Variants in ANO4 observed in about 807,000 individuals in gnomAD.
The protein encoded by ANO4 is anoctamin-4.
Under a neutral mutation model 141.9 loss-of-function variants are expected in ANO4, and 69 were observed. The observed-to-expected ratio is 0.49, with a 90% CI of 0.40 to 0.59. The LOEUF (loss-of-function observed/expected upper bound fraction) is 0.59, where lower values mean the gene tolerates loss of function less well. ANO4 is among the 20% of genes least tolerant of loss of function. ANO4 has a pLI of 0.00. For synonymous variants in ANO4, 350 were observed against 394.3 expected (o/e 0.89, Z 1.33); for missense variants, 894 against 1,162.2 (o/e 0.77, Z 3.36).
intron 14 of ANO4, among the ~76,000 whole-genome samples, chr12:101,052,141 C>T (rs1293882143): frequency 6.6e-6 from 1 of 152,124 alleles, no homozygotes; most frequent in African/African-American, 2.4e-5. Context: ...AATAAGGCTC[C>T]ATCTGTAACC....
intron 5 of ANO4, among the ~76,000 whole-genome samples, chr12:100,944,256 G>A (rs1342013726): frequency 6.6e-6 from 1 of 152,102 alleles, no homozygotes; most frequent in African/African-American, 2.4e-5. Context: ...AGAATTTGAG[G>A]AGGATCATGC....
chr12:101,032,809 C>G (rs1003219248), intron 9 of ANO4, among the ~76,000 whole-genome samples: 2 of 151,384 alleles, frequency 1.3e-5, no homozygotes, highest in Admixed American at 6.6e-5. Flanking sequence ...ATTAAAAAGT[C>G]AGGAAACAAC....
intron 3 of ANO4, among the ~76,000 whole-genome samples, chr12:100,740,572 A>C (rs2031818746): frequency 6.6e-6 from 1 of 152,132 alleles, no homozygotes; most frequent in South Asian, 2.1e-4. Flanking sequence ...TCTTGGACTA[A>C]ACTCGTGTAT....
At chr12:101,081,025 G>A (rs1172146559) in intron 15 of ANO4, among the ~76,000 whole-genome samples, 1 of 138,058 alleles carries the variant, frequency 7.2e-6, no homozygotes, top group Non-Finnish European at 1.6e-5. Context: ...GTATGTGAGT[G>A]TGTGTATGTG....
At chr12:100,852,607 GCTTCTGATTA>G (rs2037936982) in intron 1 of ANO4, 1 of 152,132 alleles carries the variant, frequency 6.6e-6, no homozygotes, top group South Asian at 2.1e-4. Context: ...TCAGTAGTAG[GCTTCTGATTA>G]CTTCATGGCC....
At position 100,786,552 on chromosome 12, in the gene ANO4, GT is replaced by G. The variant is rs111357913; in HGVS notation, c.358+46454del. ...GAAATTTTGTGCTCAGGAAGACAGGGTTTTTTTCCCTCCAAATTTGAATGCT... is the reference window on the plus strand; with the variant it reads ...GAAATTTTGTGCTCAGGAAGACAGGGTTTTTTCCCTCCAAATTTGAATGCT... On this transcript the variant is annotated intron_variant, in intron 3 of 29. Coordinates refer to the ANO4 transcript ENST00000644049. Among the ~76,000 whole-genome samples, 41 of 152,186 alleles carry G rather than the reference GT, an allele frequency of 2.7e-4. 1 individual carries two copies. The highest frequency in any genetic ancestry group is 9.2e-4 in the African/African-American group (38 of 41,504).
chr12:100,773,814 A>G (rs544443888), intron 3 of ANO4, among the ~76,000 whole-genome samples: 1 of 152,356 alleles, frequency 6.6e-6, no homozygotes, highest in East Asian at 1.9e-4. Context: ...AAATTTTAAA[A>G]TAACCTCTAT....
chr12:100,764,467 G>A (rs533866080), intron 3 of ANO4, among the ~76,000 whole-genome samples: 105 of 152,234 alleles, frequency 6.9e-4, no homozygotes, highest in Non-Finnish European at 1.1e-3. Flanking sequence ...AGTAAATAAA[G>A]CAATTTGACA....
At chr12:100,790,989 T>A (rs2034027372), upstream of ANO4, among the ~76,000 whole-genome samples, 1 of 152,250 alleles carries the variant, frequency 6.6e-6, no homozygotes, top group African/African-American at 2.4e-5. Flanking sequence ...TGAGGGACCA[T>A]ACTTTAATGT....
At chr12:100,734,757 C>T (rs1262004690) in intron 2 of ANO4, among the ~76,000 whole-genome samples, 1 of 152,120 alleles carries the variant, frequency 6.6e-6, no homozygotes, top group Non-Finnish European at 1.5e-5. Flanking sequence ...GATGCCTATG[C>T]AAAGCATTAA....
intron 3 of ANO4, among the ~76,000 whole-genome samples, chr12:100,771,809 G>A (rs55685811): frequency 0.16 from 24,128 of 152,206 alleles, 2,108 homozygotes; most frequent in Non-Finnish European, 0.19. Flanking sequence ...CTAGGAATGC[G>A]GGTATACGTG....
chr12:100,898,172 G>T (rs915213134), intron 1 of ANO4, among the ~76,000 whole-genome samples: 2 of 152,198 alleles, frequency 1.3e-5, no homozygotes, highest in Non-Finnish European at 2.9e-5. Context: ...TCAATATCGA[G>T]TGTGGTGCCT....
At chr12:101,054,524 G>A (rs1041587201) in intron 14 of ANO4, among the ~76,000 whole-genome samples, 2 of 152,148 alleles carry the variant, frequency 1.3e-5, no homozygotes, top group Non-Finnish European at 2.9e-5. Context: ...TTTTGAGACG[G>A]AGTCTCGCTC....
At chr12:100,811,202 G>T (rs1593394123) in intron 1 of ANO4, among the ~76,000 whole-genome samples, 1 of 152,072 alleles carries the variant, frequency 6.6e-6, no homozygotes, top group Non-Finnish European at 1.5e-5. Flanking sequence ...TGGGGTCAAT[G>T]AATTAAATAT....
At chr12:100,972,043 A>G (rs1004463108) in intron 6 of ANO4, among the ~76,000 whole-genome samples, 1 of 152,234 alleles carries the variant, frequency 6.6e-6, no homozygotes, top group African/African-American at 2.4e-5. Context: ...TGGAAAAGTG[A>G]TCTGCATTTG....
chr12:101,029,841 C>A (rs2046899924), intron 9 of ANO4, among the ~76,000 whole-genome samples: 1 of 138,726 alleles, frequency 7.2e-6, no homozygotes, highest in Non-Finnish European at 1.5e-5. Context: ...GCCCGGGAGA[C>A]AGAGATTGCA....
At position 100,987,733 on chromosome 12, in the gene ANO4, C is replaced by T. The variant is rs539479408; in HGVS notation, c.734+63C>T. ...TGTGCAGCTGTGGTAGAGCCTCACC[C>T]TGCACGCCTTTGATTCCTGGGCATG... On this transcript the variant is annotated intron_variant, in intron 8 of 27. Coordinates refer to ENST00000392977, the MANE Select transcript of ANO4 (RefSeq NM_001286615.2). 809 of 1,586,242 alleles carry T rather than the reference C, an allele frequency of 5.1e-4. 5 individuals carry two copies. In the African/African-American group the frequency reaches 9.5e-3, roughly 19 times the overall value.
rs139121972 is a variant in ANO4 at position 100,927,009 on chromosome 12, G to A, written c.160+4679G>A. On this transcript the variant is annotated intron_variant, in intron 3 of 27. Transcript: ENST00000392977. Reference sequence around the variant, plus strand: ...GGCAGTCTCATCTTCCTGTTTCTTTGTTTTATCTCCAGTGCCTTGAACAGA... The same window carrying A: ...GGCAGTCTCATCTTCCTGTTTCTTTATTTTATCTCCAGTGCCTTGAACAGA... 4.7e-3 allele frequency among the ~76,000 whole-genome samples: 716 copies of A among 152,176 alleles called. 1 individual carries two copies. Among genetic ancestry groups the A allele is most frequent in the Middle Eastern group, 0.014 (4 of 294 alleles).
chr12:100,889,564 G>A (rs955183863), intron 1 of ANO4, among the ~76,000 whole-genome samples: 1 of 152,084 alleles, frequency 6.6e-6, no homozygotes, highest in Non-Finnish European at 1.5e-5. Flanking sequence ...CAACCCCCTC[G>A]AATAGTGGAC....
Sources: gnomAD v4.1 joint callset for allele counts (sites outside exome capture counted in the v4.1 genomes callset) on GRCh38, gnomAD v4.1.1 for gene constraint, MANE v1.5 for transcripts, NCBI Gene and HGNC (gene_info 2026-07-23, HGNC 2026-07-21) for gene names.